Variants in MEN1 observed in about 807,000 individuals in gnomAD.
MEN1 encodes menin 1.
Under a neutral mutation model 58.0 loss-of-function variants are expected in MEN1, and 6 were observed. The observed-to-expected ratio is 0.10, with a 90% confidence interval of 0.06 to 0.20. The LOEUF (loss-of-function observed/expected upper bound fraction) is 0.20. Among genes scored for constraint, MEN1 ranks in the 10% least tolerant of loss-of-function variants. MEN1 has a pLI of 1.00. For synonymous variants in MEN1, 346 were observed against 350.7 expected (o/e 0.99, Z 0.15); for missense variants, 492 against 818.5 (o/e 0.60, Z 4.87).
Position 64,810,120 on chromosome 11 carries a change from G to A in MEN1, c.-11C>T, listed in dbSNP as rs1942031150. ...GGCCTTCAGCCCCATGGCGGCGGGC[G>A]GTGGGCGGCGGCCTGCAAGGCAAGC... On this transcript the variant is annotated 5_prime_UTR_variant, in exon 2 of 10. Coordinates refer to ENST00000450708, the MANE Select transcript of MEN1 (RefSeq NM_001370259.2). The A allele has an allele frequency of 6.5e-7, 1 of 1,543,398 alleles. No individual in the cohort carries two copies. The highest frequency in any genetic ancestry group is 1.4e-5 in the African/African-American group (1 of 73,496).
chr11:64,810,386 G>T, intron 1 of MEN1, 128 bp downstream of exon 1: 1 of 511,828 alleles, frequency 2.0e-6, no homozygotes, highest in Middle Eastern at 5.3e-4. Context: ...CCAATGAGGA[G>T]CCCCAATGGC....
intron 8 of MEN1, 129 bp downstream of exon 8, chr11:64,805,506 C>T: frequency 8.3e-7 from 1 of 1,208,130 alleles, no homozygotes; most frequent in African/African-American, 1.5e-5. Context: ...CAAAAGGGAA[C>T]ATAGCTGTCT....
chr11:64,808,727 C>T (rs1941914103), intron 2 of MEN1, among the ~76,000 whole-genome samples: 2 of 151,768 alleles, frequency 1.3e-5, no homozygotes, highest in East Asian at 1.9e-4. Flanking sequence ...GGGCGGATCA[C>T]GAGGTCAGGA....
upstream of MEN1, chr11:64,810,847 T>C (rs1393330957): frequency 1.3e-5 from 2 of 152,226 alleles, no homozygotes; most frequent in South Asian, 4.1e-4. Flanking sequence ...GTCGCCGAGC[T>C]TCTGCCGGTT....
chr11:64,805,204 C>T lies in MEN1; in HGVS notation c.1186-6G>A, dbSNP rs576193460. On this transcript the variant is annotated splice_region_variant and splice_polypyrimidine_tract_variant and intron_variant, in intron 8 of 9. Transcript: ENST00000450708. ...GAACCTTGGCTCTGGGTGCCCTGGACGAGGGGGAAGGGAGGGCACAGATCA... is the reference window on the plus strand; with the variant it reads ...GAACCTTGGCTCTGGGTGCCCTGGATGAGGGGGAAGGGAGGGCACAGATCA... 60 of 1,612,828 alleles carry T rather than the reference C, an allele frequency of 3.7e-5. No homozygotes were observed. Among genetic ancestry groups the T allele is most frequent in the South Asian group, 1.9e-4 (17 of 91,022 alleles).
At chr11:64,809,263 CAAAAAAAAAA>C (rs11404218) in intron 2 of MEN1, among the ~76,000 whole-genome samples, 1 of 116,058 alleles carries the variant, frequency 8.6e-6, no homozygotes, top group East Asian at 2.5e-4. Context: ...GACCCTGTCT[CAAAAAAAAAA>C]AAAAAAAAAA....
At chr11:64,805,230 G>A (rs760897215) in intron 8 of MEN1, 32 bp from the exon 9 acceptor site, 1 of 1,609,690 alleles carries the variant, frequency 6.2e-7, no homozygotes, top group Admixed American at 1.7e-5. Context: ...GCACAGATCA[G>A]TCTCTTACTC....
chr11:64,810,153 GGGA>G, intron 1 of MEN1, 21 bp from the exon 2 acceptor site: 1 of 1,294,982 alleles, frequency 7.7e-7, no homozygotes, highest in Non-Finnish European at 1.1e-6. Flanking sequence ...AGCCGGGGGA[GGGA>G]GGGTCGGGCA....
intron 2 of MEN1, among the ~76,000 whole-genome samples, chr11:64,808,926 G>T (rs1448974850): frequency 1.4e-5 from 2 of 147,730 alleles, no homozygotes; most frequent in Non-Finnish European, 3.0e-5. Context: ...CTGCACTCCA[G>T]CCTGGGCGAC....
At position 64,805,665 on chromosome 11, in the gene MEN1, C is replaced by T. The variant is rs201091135; in HGVS notation, c.1155G>A (p.Ala385=). The T allele has an allele frequency of 1.2e-5, 20 of 1,613,998 alleles. No individual in the cohort carries two copies. The highest frequency in any genetic ancestry group is 3.3e-5 in the Admixed American group (2 of 60,002). ...TTTGCTCCCCCGGCCGCTCCTCGCC[C>T]GCCTCCAGCAAGCTGGCTGCCTCCT... ...LLKEAASLLE[A]GEERPGEQSQ... Residue 385 remains alanine, a synonymous_variant, in exon 8 of 10, where the codon GCG becomes GCA. Transcript: ENST00000450708.
In MEN1 at chr11:64,804,706, G is replaced by A. The variant is rs759636289; in HGVS notation, c.1461C>T (p.Ser487=). 6.3e-7 allele frequency: 1 copy of A among 1,595,952 alleles called. No homozygotes were observed. Among genetic ancestry groups the A allele is most frequent in the Non-Finnish European group, 8.5e-7 (1 of 1,177,312 alleles). The change falls in exon 10 of 10, where the codon TCC becomes TCT. Residue 487 remains serine (S), a synonymous_variant. Coordinates refer to ENST00000450708, the MANE Select transcript of MEN1 (RefSeq NM_001370259.2). The surrounding 1 kb of genome is among the most constrained non-coding windows in gnomAD (Gnocchi z 4.2). ...EGRRRGPRRE[S]KPEEPPPPKK... ...TGGGCGGCGGGGGCTCCTCTGGCTT[G>A]GACTCCCGCCGTGGGCCCCGCCGCC...
rs1032748008 is a variant in MEN1 at position 64,807,514 on chromosome 11, G to A, written c.783+38C>T. 1 of 1,611,882 alleles carries A rather than the reference G, an allele frequency of 6.2e-7. No individual in the cohort carries two copies. Among genetic ancestry groups the A allele is most frequent in the East Asian group, 2.2e-5 (1 of 44,896 alleles). On this transcript the variant is annotated intron_variant, in intron 4 of 9. Transcript: ENST00000450708. This position sits in a 1 kb window ranked among gnomAD's most constrained non-coding sequence, Gnocchi z 4.9. ...CAGGGTCCCACAGCAAGTCAAGTCT[G>A]GCCTAGCCCAGTCCTGCCCCATTGG...
chr11:64,808,677 G>A (rs996511204), intron 2 of MEN1, among the ~76,000 whole-genome samples: 13 of 152,234 alleles, frequency 8.5e-5, no homozygotes, highest in African/African-American at 2.9e-4. Flanking sequence ...CAGGTGCGGT[G>A]GCTCACGCCT....
In MEN1 at chr11:64,804,320, A is replaced by C. The variant is rs1266059159; in HGVS notation, c.*14T>G. 6.2e-7 allele frequency: 1 copy of C among 1,614,154 alleles called. No individual in the cohort carries two copies. On this transcript the variant is annotated 3_prime_UTR_variant, in exon 10 of 10. Transcript: ENST00000450708. This position sits in a 1 kb window ranked among gnomAD's most constrained non-coding sequence, Gnocchi z 4.2. ...AGCCTGGGTCCCCACAAGCGGTCCG[A>C]AGTCCCCAGTAGTTCAGAGGCCTTT...
chr11:64,809,298 A>AT (rs1385383505), intron 2 of MEN1, among the ~76,000 whole-genome samples: 1 of 149,434 alleles, frequency 6.7e-6, no homozygotes, highest in African/African-American at 2.5e-5. Flanking sequence ...CATAGCCATT[A>AT]TTTTGTTTAA....
At chr11:64,810,436 A>C in intron 1 of MEN1, 78 bp downstream of exon 1, 1 of 373,486 alleles carries the variant, frequency 2.7e-6, no homozygotes, top group Non-Finnish European at 4.9e-6. Flanking sequence ...CCGGGGCTGT[A>C]AAGTCTGTCC....
rs1555165623 is a variant in MEN1 at position 64,807,683 on chromosome 11, TAGG to T, written c.655-6_655-4del. 6.2e-7 allele frequency: 1 copy of T among 1,614,104 alleles called. No homozygotes were observed. Among genetic ancestry groups the T allele is most frequent in the South Asian group, 1.1e-5 (1 of 91,086 alleles). ...GATCCTTTCAGGTACAGCCAGCTCT[TAGG>T]GGGGGATGAGATCATTATGTCTCAT... On this transcript the variant is annotated splice_region_variant and splice_polypyrimidine_tract_variant and intron_variant, in intron 3 of 9. Coordinates refer to ENST00000450708, the MANE Select transcript of MEN1 (RefSeq NM_001370259.2). This position sits in a 1 kb window ranked among gnomAD's most constrained non-coding sequence, Gnocchi z 4.9.
chr11:64,807,235 G>A lies in MEN1; in HGVS notation c.784-16C>T, dbSNP rs754257177. ...AGAGCAGCTTCTAGGAGCCGAAGGA[G>A]AGAGTTATGAGCCACGGAACAGGGA... is the stretch of plus-strand genomic sequence containing the variant. On this transcript the variant is annotated splice_polypyrimidine_tract_variant and intron_variant, in intron 4 of 9. Transcript: ENST00000450708. The surrounding 1 kb of genome is among the most constrained non-coding windows in gnomAD (Gnocchi z 4.9). 43 of 1,611,596 alleles carry A rather than the reference G, an allele frequency of 2.7e-5. No homozygotes were observed. Among genetic ancestry groups the A allele is most frequent in the Non-Finnish European group, 3.5e-5 (41 of 1,179,578 alleles).
chr11:64,807,439 A>G lies in MEN1; in HGVS notation c.783+113T>C. On this transcript the variant is annotated intron_variant, in intron 4 of 9. Transcript: ENST00000450708. The surrounding 1 kb of genome is among the most constrained non-coding windows in gnomAD (Gnocchi z 4.9). The stretch of plus-strand genomic sequence containing the variant: ...AGGCCAGGCCAGGAATTACTAACCC[A>G]TTTTTCCAGGAGGGGAAGCTGAAGC... The G allele has an allele frequency of 1.6e-6, 2 of 1,243,714 alleles. No individual in the cohort carries two copies. Among genetic ancestry groups the G allele is most frequent in the Non-Finnish European group, 2.3e-6 (2 of 867,406 alleles). 77.0% of individuals were successfully genotyped at this position (1,243,714 alleles called of 1,614,324 possible).
Sources: allele counts gnomAD v4.1 joint callset (sites outside exome capture counted in the v4.1 genomes callset), GRCh38; gene constraint gnomAD v4.1.1; non-coding constraint Gnocchi (gnomAD v3.1); transcripts MANE v1.5; gene names NCBI Gene and HGNC (gene_info 2026-07-23, HGNC 2026-07-21).